Variants in TRIM24 observed in about 807,000 individuals in gnomAD.
TRIM24 encodes the protein tripartite motif containing 24.
A neutral mutation model predicts 123.9 loss-of-function variants in TRIM24; 29 were observed. The observed-to-expected ratio is 0.23, with a 90% CI of 0.17 to 0.32. The LOEUF (loss-of-function observed/expected upper bound fraction) is 0.32, where lower values mean the gene tolerates loss of function less well. Ranked by LOEUF, TRIM24 falls within the 10% of genes least tolerant of loss-of-function variation. The pLI is 1.00. For synonymous variants in TRIM24, 456 were observed against 461.1 expected (o/e 0.99, Z 0.14); for missense variants, 932 against 1,295.3 (o/e 0.72, Z 4.31).
chr7:138,582,922 T>TA (rs1369761620), intron 17 of TRIM24, among the ~76,000 whole-genome samples: 4 of 152,208 alleles, frequency 2.6e-5, no homozygotes, highest in Admixed American at 2.6e-4. Context: ...GAGAGGCTTG[T>TA]AACAACATTA....
intron 9 of TRIM24, among the ~76,000 whole-genome samples, chr7:138,562,250 T>C (rs1390454656): frequency 6.6e-6 from 1 of 152,132 alleles, no homozygotes; most frequent in Non-Finnish European, 1.5e-5. Flanking sequence ...TTTTGAATCC[T>C]TGTGGGAGTC....
At chr7:138,493,174 C>G (rs942465174) in intron 1 of TRIM24, among the ~76,000 whole-genome samples, 1 of 149,726 alleles carries the variant, frequency 6.7e-6, no homozygotes, top group African/African-American at 2.6e-5. Flanking sequence ...TTTCTTTTAT[C>G]TCACTGAGCA....
At chr7:138,537,375 G>GTTTATTTTTT (rs1388530445) in intron 6 of TRIM24, among the ~76,000 whole-genome samples, 1 of 26,268 alleles carries the variant, frequency 3.8e-5, no homozygotes, top group Non-Finnish European at 8.0e-5. Flanking sequence ...CGCCACCCCT[G>GTTTATTTTTT]TTTGTTTTTT....
intron 9 of TRIM24, among the ~76,000 whole-genome samples, chr7:138,562,643 C>T (rs1797450226): frequency 6.6e-6 from 1 of 152,166 alleles, no homozygotes; most frequent in African/African-American, 2.4e-5. Flanking sequence ...GGGGTTGCCC[C>T]TGGTTTTAGC....
chr7:138,489,956 G>C (rs6467777), intron 1 of TRIM24, among the ~76,000 whole-genome samples: 66,831 of 151,982 alleles, frequency 0.44, 15,532 homozygotes, highest in African/African-American at 0.5. Flanking sequence ...TTTCCAGCTT[G>C]GTTCCATTCT....
chr7:138,575,357 A>G (rs1006578425), intron 12 of TRIM24, among the ~76,000 whole-genome samples: 4 of 152,066 alleles, frequency 2.6e-5, no homozygotes, highest in African/African-American at 7.2e-5. Flanking sequence ...GGGTGTAGCA[A>G]TCATGGTTCA....
chr7:138,528,794 C>A (rs1270452763), intron 5 of TRIM24, among the ~76,000 whole-genome samples: 1 of 102,064 alleles, frequency 9.8e-6, no homozygotes, highest in Admixed American at 1.4e-4. Context: ...CCCCCCCCCC[C>A]ATCCTTTTAG....
chr7:138,463,977 C>CAAA (rs1193178218), intron 1 of TRIM24, among the ~76,000 whole-genome samples: 1 of 71,224 alleles, frequency 1.4e-5, no homozygotes, highest in African/African-American at 5.5e-5. Context: ...CTAGCTGAAG[C>CAAA]AAAAATTTAG....
At chr7:138,563,520 G>A (rs924840668) in intron 9 of TRIM24, among the ~76,000 whole-genome samples, 3 of 152,104 alleles carry the variant, frequency 2.0e-5, no homozygotes, top group Non-Finnish European at 4.4e-5. Context: ...CTAAGCCTCC[G>A]ATCTGCTTCC....
At chr7:138,577,310 ATACT>A (rs982953976) in intron 13 of TRIM24, 106 bp from the exon 14 acceptor site, 60 of 829,020 alleles carry the variant, frequency 7.2e-5, no homozygotes, top group East Asian at 5.8e-5. Context: ...TGATGTTAAC[ATACT>A]TATTGTTGTG....
chr7:138,568,286 A>AT lies in TRIM24; in HGVS notation c.1704+640dup, dbSNP rs550283551. The stretch of plus-strand genomic sequence containing the variant: ...AGGTACTCGCCACCACGCCCAGCTA[A>AT]TTTTTTTTGTATTTTTAGTAGAGAC... On this transcript the variant is annotated intron_variant, in intron 10 of 18. Coordinates refer to ENST00000343526, the MANE Select transcript of TRIM24 (RefSeq NM_015905.3). 6.9e-5 allele frequency among the ~76,000 whole-genome samples: 10 copies of AT among 144,838 alleles called. No homozygotes were observed. In the East Asian group the frequency reaches 1.7e-3, roughly 24 times the overall value.
intron 9 of TRIM24, among the ~76,000 whole-genome samples, chr7:138,558,602 C>T (rs1797363740): frequency 2.0e-5 from 3 of 152,310 alleles, no homozygotes; most frequent in South Asian, 4.1e-4. Flanking sequence ...ATTCAGGCAA[C>T]TCCTGGTGGA....
chr7:138,578,563 T>TGTGTGTGTGTGTGC (rs145011901), intron 14 of TRIM24, among the ~76,000 whole-genome samples: 9 of 144,992 alleles, frequency 6.2e-5, no homozygotes, highest in African/African-American at 1.8e-4. Context: ...TGTGTGTGTG[T>TGTGTGTGTGTGTGC]GCGCGCACGC....
chr7:138,589,834 T>C lies in TRIM24; in HGVS notation c.*4883T>C, dbSNP rs541911204. 1 of 152,312 alleles carries C rather than the reference T, an allele frequency of 6.6e-6. No homozygotes were observed. The highest frequency in any genetic ancestry group is 6.5e-5 in the Admixed American group (1 of 15,296). The allele number at this position is 152,312 out of a possible 1,614,324, so 9.4% of individuals were successfully genotyped here. On this transcript the variant is annotated 3_prime_UTR_variant, in exon 19 of 19. Transcript: ENST00000343526. ...TTTGATTCTTGTAATTTCTGAGAAT[T>C]ACTATGTTTTAAATTTACTATTGGA...
chr7:138,544,985 T>C (rs1389478680), intron 7 of TRIM24, among the ~76,000 whole-genome samples: 1 of 152,206 alleles, frequency 6.6e-6, no homozygotes. Flanking sequence ...AATGGGAAAT[T>C]ACACACATAA....
intron 6 of TRIM24, among the ~76,000 whole-genome samples, chr7:138,534,130 C>T (rs767649949): frequency 2.5e-4 from 38 of 151,906 alleles, no homozygotes; most frequent in African/African-American, 7.3e-4. Context: ...GTCTTGCTAG[C>T]GGTCTATTTT....
At chr7:138,578,317 G>A (rs914786052) in intron 14 of TRIM24, among the ~76,000 whole-genome samples, 1 of 152,140 alleles carries the variant, frequency 6.6e-6, no homozygotes, top group African/African-American at 2.4e-5. Context: ...GAGTACGAAT[G>A]TAACTAAAAA....
chr7:138,464,839 C>T (rs1795099719), intron 1 of TRIM24, among the ~76,000 whole-genome samples: 1 of 152,200 alleles, frequency 6.6e-6, no homozygotes, highest in Non-Finnish European at 1.5e-5. Context: ...GCCCCTCCCT[C>T]CTGAAAATCT....
At chr7:138,558,406 T>C (rs1233970291) in intron 9 of TRIM24, among the ~76,000 whole-genome samples, 2 of 152,310 alleles carry the variant, frequency 1.3e-5, no homozygotes, top group East Asian at 1.9e-4. Context: ...ACGCTCAAGC[T>C]TGTGAATGTT....
Sources: gnomAD v4.1 joint callset for allele counts (sites outside exome capture counted in the v4.1 genomes callset) on GRCh38, gnomAD v4.1.1 for gene constraint, MANE v1.5 for transcripts, NCBI Gene and HGNC (gene_info 2026-07-23, HGNC 2026-07-21) for gene names.